The following UNC5D variants were observed in gnomAD, a reference collection of about 807,000 sequenced individuals.
UNC5D encodes the protein netrin receptor UNC5D.
UNC5D carries 39 observed loss-of-function variants against 105.4 expected under a neutral mutation model. The ratio of observed to expected loss-of-function variants is 0.37; its 90% CI spans 0.29 to 0.48. The LOEUF (loss-of-function observed/expected upper bound fraction) is 0.48, where lower values mean the gene tolerates loss of function less well. Among genes scored for constraint, UNC5D ranks in the 20% least tolerant of loss-of-function variants. UNC5D has a pLI of 0.98. For missense variants in UNC5D, 991 were observed against 1,202.4 expected (o/e 0.82, Z 2.60); for synonymous variants, 452 against 450.4 (o/e 1.00, Z -0.04).
chr8:35,320,726 C>T (rs562416956), intron 1 of UNC5D, among the ~76,000 whole-genome samples: 2 of 152,018 alleles, frequency 1.3e-5, no homozygotes, highest in African/African-American at 4.8e-5. Context: ...GCCTGGACAT[C>T]CAAAGGGAGG....
chr8:35,236,284 TG>T (rs1171557613), intron 1 of UNC5D, among the ~76,000 whole-genome samples: 11 of 152,314 alleles, frequency 7.2e-5, no homozygotes, highest in South Asian at 2.1e-4. Flanking sequence ...GGAGAGTTCC[TG>T]GGGAGAGGGG....
At chr8:35,409,998 G>A (rs1805056636) in intron 1 of UNC5D, among the ~76,000 whole-genome samples, 1 of 138,624 alleles carries the variant, frequency 7.2e-6, no homozygotes, top group Admixed American at 7.4e-5. Flanking sequence ...TTTCTCCATT[G>A]AATTTCCTTC....
At chr8:35,487,240 T>C (rs1810882545) in intron 1 of UNC5D, among the ~76,000 whole-genome samples, 1 of 145,926 alleles carries the variant, frequency 6.9e-6, no homozygotes, top group Non-Finnish European at 1.5e-5. Context: ...TGGCTGGTAC[T>C]CAGGGCCCAG....
intron 9 of UNC5D, among the ~76,000 whole-genome samples, chr8:35,725,567 G>T (rs1254564517): frequency 6.6e-6 from 1 of 152,050 alleles, no homozygotes; most frequent in Non-Finnish European, 1.5e-5. Context: ...CTACTCAGAT[G>T]TGGTGAGATT....
intron 1 of UNC5D, chr8:35,255,727 C>T (rs1280744386): frequency 6.6e-6 from 1 of 152,090 alleles, no homozygotes. Context: ...GTGGTATAGC[C>T]TCACCTCTAA....
At chr8:35,295,811 T>C (rs1394741983) in intron 1 of UNC5D, among the ~76,000 whole-genome samples, 1 of 152,206 alleles carries the variant, frequency 6.6e-6, no homozygotes, top group East Asian at 1.9e-4. Context: ...GTTTGCAGCC[T>C]TTCACCAGCA....
intron 1 of UNC5D, among the ~76,000 whole-genome samples, chr8:35,383,944 C>T (rs1158656170): frequency 9.9e-5 from 15 of 151,760 alleles, no homozygotes; most frequent in South Asian, 2.1e-4. Flanking sequence ...AGGCTGGGCG[C>T]GGTGGCTCAC....
intron 8 of UNC5D, among the ~76,000 whole-genome samples, chr8:35,713,746 A>C (rs1353199649): frequency 6.6e-6 from 1 of 152,230 alleles, no homozygotes; most frequent in Non-Finnish European, 1.5e-5. Flanking sequence ...ATTGAAGCAG[A>C]TATTGGAGGA....
At chr8:35,419,538 G>A (rs967099185) in intron 1 of UNC5D, among the ~76,000 whole-genome samples, 2 of 152,180 alleles carry the variant, frequency 1.3e-5, no homozygotes, top group African/African-American at 2.4e-5. Flanking sequence ...AGGGTGTTGT[G>A]GCTTTTGCTT....
chr8:35,735,039 A>G (rs1307722391), intron 11 of UNC5D, among the ~76,000 whole-genome samples: 1 of 152,306 alleles, frequency 6.6e-6, no homozygotes, highest in South Asian at 2.1e-4. Context: ...CGGCCTCCCA[A>G]AGTGCTGGGA....
chr8:35,760,482 T>A (rs970508565), intron 14 of UNC5D, among the ~76,000 whole-genome samples: 1 of 152,162 alleles, frequency 6.6e-6, no homozygotes, highest in Non-Finnish European at 1.5e-5. Flanking sequence ...TTATTTCAAG[T>A]ACATGCTTAG....
intron 1 of UNC5D, among the ~76,000 whole-genome samples, chr8:35,539,354 C>T (rs900054050): frequency 2.6e-5 from 4 of 151,710 alleles, no homozygotes; most frequent in Non-Finnish European, 4.4e-5. Flanking sequence ...CTATATTTTC[C>T]CTTTTACTAT....
intron 15 of UNC5D, among the ~76,000 whole-genome samples, chr8:35,767,352 C>T (rs887049491): frequency 1.3e-5 from 2 of 152,146 alleles, no homozygotes; most frequent in Admixed American, 1.3e-4. Flanking sequence ...CACAAGAAGT[C>T]TTATTCCACA....
intron 1 of UNC5D, among the ~76,000 whole-genome samples, chr8:35,353,816 A>T (rs1014846884): frequency 1.3e-5 from 2 of 152,196 alleles, no homozygotes; most frequent in African/African-American, 4.8e-5. Flanking sequence ...ATCTCTGCAC[A>T]TACACGTGTA....
intron 11 of UNC5D, among the ~76,000 whole-genome samples, chr8:35,743,292 CAG>C (rs1253581852): frequency 2.6e-5 from 4 of 152,120 alleles, no homozygotes; most frequent in East Asian, 1.9e-4. Flanking sequence ...TTTTTTGAGA[CAG>C]AGTCTCGCTC....
At chr8:35,723,331 C>T (rs888224225) in intron 9 of UNC5D, among the ~76,000 whole-genome samples, 2 of 152,118 alleles carry the variant, frequency 1.3e-5, no homozygotes, top group African/African-American at 4.8e-5. Context: ...CTTCTGGGCA[C>T]CTCAGAGTTA....
At chr8:35,574,124 G>C (rs1817936616) in intron 3 of UNC5D, among the ~76,000 whole-genome samples, 1 of 152,194 alleles carries the variant, frequency 6.6e-6, no homozygotes, top group Admixed American at 6.5e-5. Context: ...ATTTTCATGT[G>C]TGAACATTTG....
intron 1 of UNC5D, among the ~76,000 whole-genome samples, chr8:35,466,096 G>T (rs1211517859): frequency 1.3e-5 from 2 of 152,132 alleles, no homozygotes; most frequent in Non-Finnish European, 2.9e-5. Context: ...GTGTTGTAAG[G>T]CACCAAGCTT....
chr8:35,584,054 C>T (rs1181444859), intron 3 of UNC5D, among the ~76,000 whole-genome samples: 1 of 152,144 alleles, frequency 6.6e-6, no homozygotes, highest in Non-Finnish European at 1.5e-5. Flanking sequence ...GCAACATAGA[C>T]ACATGAATTG....
Sources: allele counts gnomAD v4.1 joint callset (sites outside exome capture counted in the v4.1 genomes callset), GRCh38; gene constraint gnomAD v4.1.1; transcripts MANE v1.5; gene names NCBI Gene and HGNC (gene_info 2026-07-23, HGNC 2026-07-21).